The following SKIC3 variants were observed in gnomAD, a reference collection of about 807,000 sequenced individuals.
SKIC3 encodes superkiller complex protein 3.
the SKIC3 span, among the ~76,000 whole-genome samples, chr5:95,535,827 C>A: frequency 6.6e-6 from 1 of 152,112 alleles, no homozygotes; most frequent in Non-Finnish European, 1.5e-5. Context: ...TGTATATACT[C>A]ATTTAGCAAC....
At chr5:95,483,323 C>T in the SKIC3 span, among the ~76,000 whole-genome samples, 1 of 152,048 alleles carries the variant, frequency 6.6e-6, no homozygotes, top group Non-Finnish European at 1.5e-5. Context: ...GCATACTTTT[C>T]TATTTTTTAC....
chr5:95,499,312 C>T, the SKIC3 span, among the ~76,000 whole-genome samples: 1 of 152,172 alleles, frequency 6.6e-6, no homozygotes, highest in Non-Finnish European at 1.5e-5. Context: ...CTCACGTGAT[C>T]TGGTTGTTTA....
At chr5:95,526,469 CT>C in the SKIC3 span, among the ~76,000 whole-genome samples, 1,475 of 145,086 alleles carry the variant, frequency 0.01, 21 homozygotes, top group African/African-American at 0.033. Context: ...GTCTGACTGT[CT>C]TTTTTTTTTT....
chr5:95,489,974 A>T, the SKIC3 span, among the ~76,000 whole-genome samples: 1 of 152,218 alleles, frequency 6.6e-6, no homozygotes, highest in South Asian at 2.1e-4. Flanking sequence ...GACAGGCAGT[A>T]ATGATGCTTA....
the SKIC3 span, among the ~76,000 whole-genome samples, chr5:95,472,061 T>A: frequency 6.6e-6 from 1 of 152,188 alleles, no homozygotes; most frequent in African/African-American, 2.4e-5. Flanking sequence ...ATTCTATTCT[T>A]CTCACTCTCT....
chr5:95,520,097 A>G, the SKIC3 span, among the ~76,000 whole-genome samples: 1 of 152,014 alleles, frequency 6.6e-6, no homozygotes, highest in African/African-American at 2.4e-5. Flanking sequence ...AAAAATTCAA[A>G]TGTACATCTA....
At chr5:95,536,138 T>C in the SKIC3 span, among the ~76,000 whole-genome samples, 1 of 152,226 alleles carries the variant, frequency 6.6e-6, no homozygotes, top group Non-Finnish European at 1.5e-5. Flanking sequence ...AGCAAGCTAG[T>C]TGTCATCAGT....
the SKIC3 span, chr5:95,540,823 C>T: frequency 1.1e-4 from 185 of 1,613,748 alleles, no homozygotes; most frequent in African/African-American, 1.7e-3. Flanking sequence ...GTGCCATGTT[C>T]GAGCCACCTA....
the SKIC3 span, chr5:95,512,611 C>A: frequency 6.2e-7 from 1 of 1,613,762 alleles, no homozygotes; most frequent in Non-Finnish European, 8.5e-7. Context: ...ACCTAATGCT[C>A]CTTCAGTCTT....
chr5:95,475,574 T>TG, the SKIC3 span, among the ~76,000 whole-genome samples: 1 of 152,328 alleles, frequency 6.6e-6, no homozygotes, highest in Admixed American at 6.5e-5. Flanking sequence ...ATGAGCCAAT[T>TG]AAAACTCTTC....
the SKIC3 span, among the ~76,000 whole-genome samples, chr5:95,475,030 TG>T: frequency 6.6e-6 from 1 of 152,196 alleles, no homozygotes; most frequent in African/African-American, 2.4e-5. Context: ...TTCCTTGGAT[TG>T]GGTTACAACT....
At chr5:95,516,740 T>G in the SKIC3 span, 1 of 1,613,242 alleles carries the variant, frequency 6.2e-7, no homozygotes, top group Non-Finnish European at 8.5e-7. Flanking sequence ...TCTCACTGCT[T>G]TTTTCAGACA....
At chr5:95,523,549 T>C in the SKIC3 span, 109 of 1,372,754 alleles carry the variant, frequency 7.9e-5, no homozygotes, top group Admixed American at 8.1e-4. Context: ...ATTGCACCTA[T>C]AGAAAAAAAA....
the SKIC3 span, chr5:95,517,065 G>A: frequency 3.8e-5 from 61 of 1,613,356 alleles, 1 homozygote; most frequent in South Asian, 3.2e-4. Context: ...TAACACCTAC[G>A]GGAATATAAA....
chr5:95,541,708 A>T, the SKIC3 span: 1 of 804,844 alleles, frequency 1.2e-6, no homozygotes, highest in East Asian at 2.7e-5. Flanking sequence ...AAAAAAAAAA[A>T]GCTTCGCAAT....
the SKIC3 span, among the ~76,000 whole-genome samples, chr5:95,480,197 T>C: frequency 3.9e-5 from 6 of 152,012 alleles, no homozygotes; most frequent in African/African-American, 7.2e-5. Context: ...AGTTCTTAAA[T>C]AGAATATCCC....
At chr5:95,511,999 G>C in the SKIC3 span, among the ~76,000 whole-genome samples, 2 of 152,296 alleles carry the variant, frequency 1.3e-5, no homozygotes, top group East Asian at 3.9e-4. Context: ...AGAAAAATCA[G>C]GTGTTAAGTG....
At chr5:95,513,720 A>C in the SKIC3 span, 3 of 1,418,372 alleles carry the variant, frequency 2.1e-6, no homozygotes, top group African/African-American at 2.8e-5. Context: ...GAAACTGTCT[A>C]GAAGAACCAA....
chr5:95,518,066 C>A, the SKIC3 span, among the ~76,000 whole-genome samples: 1 of 152,004 alleles, frequency 6.6e-6, no homozygotes, highest in African/African-American at 2.4e-5. Context: ...AACTTCTGTT[C>A]TTTGTAAATT....
Sources: gnomAD v4.1 joint callset for allele counts (sites outside exome capture counted in the v4.1 genomes callset) on GRCh38, gnomAD v4.1.1 for gene constraint, MANE v1.5 for transcripts, NCBI Gene and HGNC (gene_info 2026-07-23, HGNC 2026-07-21) for gene names.